Variants in TMEM135 observed in about 807,000 individuals in gnomAD.
The protein encoded by TMEM135 is peroxisomal membrane protein 52.
A neutral mutation model predicts 60.3 loss-of-function variants in TMEM135; 30 were observed. The ratio of observed to expected loss-of-function variants is 0.50; its 90% CI spans 0.37 to 0.68. The LOEUF is 0.68. Among genes scored for constraint, TMEM135 ranks in the 30% least tolerant of loss-of-function variants. The pLI, the probability that TMEM135 is intolerant of heterozygous loss-of-function variation, is 0.00. For missense variants in TMEM135, 468 were observed against 548.8 expected (o/e 0.85, Z 1.47); for synonymous variants, 190 against 186.7 (o/e 1.02, Z -0.14).
At chr11:87,104,668 T>A (rs1857548529) in intron 4 of TMEM135, among the ~76,000 whole-genome samples, 1 of 152,212 alleles carries the variant, frequency 6.6e-6, no homozygotes, top group Non-Finnish European at 1.5e-5. Flanking sequence ...GGATTTTATT[T>A]TTTGTTGTTG....
intron 5 of TMEM135, 34 bp from the exon 6 acceptor site, chr11:87,236,604 C>G (rs372775695): frequency 7.5e-6 from 12 of 1,601,224 alleles, no homozygotes; most frequent in South Asian, 6.6e-5. Flanking sequence ...TGTCAGTGTT[C>G]TTTTGCAAGT....
At chr11:87,226,763 GC>G (rs1940773218) in intron 5 of TMEM135, among the ~76,000 whole-genome samples, 1 of 152,266 alleles carries the variant, frequency 6.6e-6, no homozygotes, top group South Asian at 2.1e-4. Context: ...AAGAATGGTT[GC>G]CTGGGTGTGG....
intron 11 of TMEM135, 92 bp from the exon 12 acceptor site, chr11:87,314,379 T>G (rs1160353504): frequency 1.9e-6 from 2 of 1,073,086 alleles, no homozygotes; most frequent in Admixed American, 2.0e-5. Flanking sequence ...GAGATAGTGC[T>G]GATTCTATGT....
chr11:87,195,215 TC>T (rs1939905893), intron 5 of TMEM135, among the ~76,000 whole-genome samples: 1 of 151,802 alleles, frequency 6.6e-6, no homozygotes, highest in Admixed American at 6.6e-5. Context: ...TTTCTTTCCT[TC>T]TCCCCTGTCT....
At chr11:87,286,894 A>G (rs1162837338) in intron 6 of TMEM135, among the ~76,000 whole-genome samples, 9 of 152,242 alleles carry the variant, frequency 5.9e-5, no homozygotes, top group African/African-American at 1.9e-4. Flanking sequence ...TTTACACTTG[A>G]ACTTTCAGCA....
chr11:87,102,465 A>G (rs934895579), intron 4 of TMEM135, among the ~76,000 whole-genome samples: 2 of 152,124 alleles, frequency 1.3e-5, no homozygotes, highest in Non-Finnish European at 2.9e-5. Flanking sequence ...GAACTATCAT[A>G]TTCCTGCATG....
At chr11:87,271,785 A>G (rs1941867852) in intron 6 of TMEM135, among the ~76,000 whole-genome samples, 1 of 151,790 alleles carries the variant, frequency 6.6e-6, no homozygotes, top group Non-Finnish European at 1.5e-5. Flanking sequence ...AATACAAAAA[A>G]AATACCTGAG....
At chr11:87,254,848 A>C (rs1356158316) in intron 6 of TMEM135, among the ~76,000 whole-genome samples, 1 of 152,066 alleles carries the variant, frequency 6.6e-6, no homozygotes. Flanking sequence ...AATGGTTAAA[A>C]ACAAAATAAG....
intron 9 of TMEM135, among the ~76,000 whole-genome samples, chr11:87,307,173 A>G (rs1942562955): frequency 6.6e-6 from 1 of 152,136 alleles, no homozygotes; most frequent in Admixed American, 6.5e-5. Context: ...TCTAGAAAGG[A>G]GGAACTGTCC....
intron 4 of TMEM135, among the ~76,000 whole-genome samples, chr11:87,153,427 G>C (rs1252406020): frequency 6.6e-6 from 1 of 152,146 alleles, no homozygotes; most frequent in Non-Finnish European, 1.5e-5. Flanking sequence ...TTGGCAAATA[G>C]TAGGTATCGA....
intron 4 of TMEM135, among the ~76,000 whole-genome samples, chr11:87,140,743 A>G (rs1938239952): frequency 6.6e-6 from 1 of 152,144 alleles, no homozygotes; most frequent in South Asian, 2.1e-4. Context: ...TTTTTCTTCC[A>G]GAAGTTTTAT....
intron 1 of TMEM135, among the ~76,000 whole-genome samples, chr11:87,053,405 T>C (rs1474372652): frequency 6.6e-6 from 1 of 152,042 alleles, no homozygotes; most frequent in Non-Finnish European, 1.5e-5. Context: ...GCTTTGGAAG[T>C]GAAAAATGTG....
intron 6 of TMEM135, among the ~76,000 whole-genome samples, chr11:87,250,560 A>G (rs1941392753): frequency 6.6e-6 from 1 of 151,886 alleles, no homozygotes. Context: ...GTATTGTTTA[A>G]TGTCTATGTG....
chr11:87,227,068 C>CA (rs982386558), intron 5 of TMEM135, among the ~76,000 whole-genome samples: 1 of 151,734 alleles, frequency 6.6e-6, no homozygotes, highest in Admixed American at 6.6e-5. Context: ...AAAACAAAAA[C>CA]AAAAAAACAC....
intron 1 of TMEM135, among the ~76,000 whole-genome samples, chr11:87,064,479 A>G (rs1247611504): frequency 4.6e-5 from 7 of 152,160 alleles, no homozygotes; most frequent in Non-Finnish European, 8.8e-5. Context: ...CACCAGAAGG[A>G]TCCCTAATGT....
At chr11:87,055,291 T>A (rs1269099920) in intron 1 of TMEM135, among the ~76,000 whole-genome samples, 1 of 152,194 alleles carries the variant, frequency 6.6e-6, no homozygotes, top group Non-Finnish European at 1.5e-5. Context: ...AATTACTTTA[T>A]AGAAAAATAG....
intron 12 of TMEM135, among the ~76,000 whole-genome samples, chr11:87,314,898 TAA>T (rs974768926): frequency 2.0e-5 from 3 of 151,866 alleles, no homozygotes; most frequent in African/African-American, 7.2e-5. Context: ...AATTTCAGCA[TAA>T]AGACTCCTTA....
intron 5 of TMEM135, among the ~76,000 whole-genome samples, chr11:87,195,321 C>G (rs1256798872): frequency 7.6e-5 from 1 of 13,184 alleles, no homozygotes; most frequent in African/African-American, 2.3e-4. Context: ...CTCTTTCCTT[C>G]CTTCCTTCCT....
At chr11:87,128,777 G>T (rs901683183) in intron 4 of TMEM135, among the ~76,000 whole-genome samples, 1 of 152,108 alleles carries the variant, frequency 6.6e-6, no homozygotes, top group Non-Finnish European at 1.5e-5. Context: ...ACTGTATGTA[G>T]AAAATAGGAG....
Sources: gnomAD v4.1 joint callset for allele counts (sites outside exome capture counted in the v4.1 genomes callset) on GRCh38, gnomAD v4.1.1 for gene constraint, MANE v1.5 for transcripts, NCBI Gene and HGNC (gene_info 2026-07-23, HGNC 2026-07-21) for gene names.